The following RNF43 variants were observed in gnomAD, a reference collection of about 807,000 sequenced individuals.
RNF43 encodes the protein ring finger protein 43, also known as E3 ubiquitin-protein ligase RNF43.
RNF43 carries 37 observed loss-of-function variants against 78.4 expected under a neutral mutation model. That is an observed-to-expected ratio of 0.47 (90% CI 0.36 to 0.62). The LOEUF is 0.62. RNF43 is among the 20% of genes least tolerant of loss of function. RNF43 has a pLI of 0.00. For missense variants in RNF43, 774 were observed against 1,007.9 expected, an observed-to-expected ratio of 0.77 and a Z score of 3.14; for synonymous variants, 347 against 395.0, an observed-to-expected ratio of 0.88 and a Z score of 1.44.
intron 2 of RNF43, among the ~76,000 whole-genome samples, chr17:58,400,796 T>A (rs1274337772): frequency 2.0e-5 from 3 of 152,306 alleles, no homozygotes; most frequent in Non-Finnish European, 2.9e-5. Flanking sequence ...CTTAATTATT[T>A]GATTGGTGAT....
chr17:58,405,717 A>C (rs1178859724), intron 2 of RNF43, among the ~76,000 whole-genome samples: 1 of 146,720 alleles, frequency 6.8e-6, no homozygotes, highest in Non-Finnish European at 1.5e-5. Context: ...AAAGAAAGAA[A>C]GAAAGAAAGA....
intron 2 of RNF43, among the ~76,000 whole-genome samples, chr17:58,372,106 T>C: frequency 6.6e-6 from 1 of 152,216 alleles, no homozygotes; most frequent in Non-Finnish European, 1.5e-5. Context: ...CTACTGTTGA[T>C]GTCTGAAGGA....
intron 2 of RNF43, among the ~76,000 whole-genome samples, chr17:58,394,512 A>G (rs1317616048): frequency 6.6e-6 from 1 of 152,258 alleles, no homozygotes; most frequent in Non-Finnish European, 1.5e-5. Context: ...CTTAGGTATC[A>G]CTGCACTTCT....
rs751796204 is a variant in RNF43 at position 58,363,310 on chromosome 17, G to C, written c.547C>G (p.His183Asp). ...GGCTCCTTCAGCTCAATCCTCACAT[G>C]GGCCTTTTGGTTCTTGTACACAAAC... Reference protein sequence around the residue: ...MEFVYKNQKAHVRIELKEPPA... With the variant: ...MEFVYKNQKADVRIELKEPPA... Residue 183 changes from histidine (H) to aspartate (D), a missense_variant, in exon 5 of 10, where the codon CAT becomes GAT. Transcript: ENST00000407977. 13 of 1,613,948 alleles carry C rather than the reference G, an allele frequency of 8.1e-6. 1 individual carries two copies. Among genetic ancestry groups the C allele is most frequent in the Non-Finnish European group, 1.1e-5 (13 of 1,180,016 alleles).
chr17:58,368,105 C>T (rs985824743), intron 3 of RNF43, among the ~76,000 whole-genome samples: 14 of 152,256 alleles, frequency 9.2e-5, no homozygotes, highest in South Asian at 2.1e-4. Flanking sequence ...GCTTGAGAGC[C>T]CCAGCTCTGT....
At position 58,360,809 on chromosome 17, in the gene RNF43, A is replaced by C; in HGVS notation, c.823T>G (p.Cys275Gly). Residue 275 changes from cysteine (C) to glycine (G), a missense_variant, in exon 7 of 10, where the codon TGT becomes GGT. Cys to Gly is a radical substitution (Grantham distance 159, BLOSUM62 -3). Transcript: ENST00000407977. The surrounding 1 kb of genome is among the most constrained non-coding windows in gnomAD (Gnocchi z 4.3). ...SCSSAPVCAI[C>G]LEEFSEGQEL... ...TGCCCCTCAGAGAACTCCTCCAGAC[A>C]GATGGCACACACAGGGGCTGAGCTG... 6.2e-7 allele frequency: 1 copy of C among 1,612,440 alleles called. No homozygotes were observed. The highest frequency in any genetic ancestry group is 8.5e-7 in the Non-Finnish European group (1 of 1,179,202).
chr17:58,395,975 G>A (rs1182323950), intron 2 of RNF43, among the ~76,000 whole-genome samples: 1 of 143,304 alleles, frequency 7.0e-6, no homozygotes, highest in Non-Finnish European at 1.5e-5. Context: ...TTAGGATGTA[G>A]CCTGGCATGC....
chr17:58,412,654 AGG>A (rs11338360), intron 2 of RNF43, among the ~76,000 whole-genome samples: 9 of 134,130 alleles, frequency 6.7e-5, no homozygotes, highest in South Asian at 5.1e-4. Context: ...CACATTGTCA[AGG>A]GGGGGGGTCT....
At chr17:58,380,259 T>C (rs1364600173) in intron 2 of RNF43, among the ~76,000 whole-genome samples, 1 of 152,172 alleles carries the variant, frequency 6.6e-6, no homozygotes, top group Non-Finnish European at 1.5e-5. Flanking sequence ...AGCTAGGTCT[T>C]ATCCAAAGAA....
intron 2 of RNF43, among the ~76,000 whole-genome samples, chr17:58,376,753 G>A (rs1973213042): frequency 6.6e-6 from 1 of 152,166 alleles, no homozygotes; most frequent in South Asian, 2.1e-4. Flanking sequence ...CACCAGGGGA[G>A]GGTCAAGAGA....
chr17:58,407,160 C>A (rs775000234), intron 2 of RNF43, among the ~76,000 whole-genome samples: 1 of 141,166 alleles, frequency 7.1e-6, no homozygotes, highest in Non-Finnish European at 1.5e-5. Flanking sequence ...CTCACTACAA[C>A]CTCTGCCTCC....
At chr17:58,395,060 TAA>T (rs1353675380) in intron 2 of RNF43, 2 of 152,254 alleles carry the variant, frequency 1.3e-5, no homozygotes, top group Admixed American at 1.3e-4. Context: ...TGCTGTATAA[TAA>T]GTCTGTTTGG....
intron 2 of RNF43, among the ~76,000 whole-genome samples, chr17:58,385,320 A>G (rs879765261): frequency 1.3e-5 from 2 of 152,212 alleles, no homozygotes; most frequent in Non-Finnish European, 2.9e-5. Flanking sequence ...TTGAAGTCCT[A>G]CTGATATCTC....
chr17:58,370,738 A>G (rs533758009), intron 3 of RNF43, among the ~76,000 whole-genome samples, 173 bp downstream of exon 3: 9 of 152,222 alleles, frequency 5.9e-5, no homozygotes, highest in African/African-American at 2.2e-4. Context: ...GTCGGAGGAG[A>G]AAAAACAGAG....
chr17:58,385,267 T>A (rs1973407834), intron 2 of RNF43, among the ~76,000 whole-genome samples: 1 of 152,198 alleles, frequency 6.6e-6, no homozygotes, highest in African/African-American at 2.4e-5. Flanking sequence ...GTCTCTGAAG[T>A]CAAATCTTCT....
intron 2 of RNF43, among the ~76,000 whole-genome samples, chr17:58,379,336 C>T (rs1049776363): frequency 6.6e-6 from 1 of 152,142 alleles, no homozygotes; most frequent in Non-Finnish European, 1.5e-5. Flanking sequence ...CTCTCCTCTA[C>T]GGTTTATCTC....
At chr17:58,370,585 C>T (rs1335472142) in intron 3 of RNF43, among the ~76,000 whole-genome samples, 1 of 152,120 alleles carries the variant, frequency 6.6e-6, no homozygotes, top group Admixed American at 6.5e-5. Context: ...GTGTATGTTT[C>T]TAAAAGATGG....
At chr17:58,372,035 C>A (rs908076875) in intron 2 of RNF43, among the ~76,000 whole-genome samples, 3 of 152,118 alleles carry the variant, frequency 2.0e-5, no homozygotes, top group Non-Finnish European at 4.4e-5. Flanking sequence ...TAGTAGAAAC[C>A]CCACATATCC....
intron 2 of RNF43, among the ~76,000 whole-genome samples, chr17:58,385,893 G>A (rs1216836582): frequency 6.6e-6 from 1 of 151,616 alleles, no homozygotes; most frequent in Non-Finnish European, 1.5e-5. Context: ...AATTACTTGA[G>A]TTCACAAGTT....
Sources: allele counts gnomAD v4.1 joint callset (sites outside exome capture counted in the v4.1 genomes callset), GRCh38; gene constraint gnomAD v4.1.1; non-coding constraint Gnocchi (gnomAD v3.1); transcripts MANE v1.5; gene names NCBI Gene and HGNC (gene_info 2026-07-23, HGNC 2026-07-21).